Variants in CNNM3 observed in about 807,000 individuals in gnomAD.
The protein encoded by CNNM3 is metal transporter CNNM3.
A neutral mutation model predicts 57.1 loss-of-function variants in CNNM3; 47 were observed. The ratio of observed to expected loss-of-function variants is 0.82; its 90% confidence interval spans 0.65 to 1.05. The LOEUF is 1.05. Ranked by LOEUF, CNNM3 falls within the 50% of genes least tolerant of loss-of-function variation. The probability of loss-of-function intolerance (pLI) is 0.00; values close to 1 mark genes in which losing one functional copy is unlikely to be tolerated. For synonymous variants in CNNM3, 507 were observed against 478.2 expected (o/e 1.06, Z -0.79); for missense variants, 957 against 973.7 (o/e 0.98, Z 0.23).
chr2:96,836,221 T>TATC (rs1447740019), downstream of CNNM3, among the ~76,000 whole-genome samples: 2 of 150,712 alleles, frequency 1.3e-5, no homozygotes, highest in Non-Finnish European at 2.9e-5. Flanking sequence ...TAGATGGGAC[T>TATC]ATCACCACAC....
At chr2:96,828,871 TCTTCTCTGCC>T (rs2079555384) in intron 6 of CNNM3, 115 bp from the exon 7 acceptor site, 2 of 1,499,058 alleles carry the variant, frequency 1.3e-6, no homozygotes, top group Non-Finnish European at 1.8e-6. Context: ...ACTCAGTTGC[TCTTCTCTGCC>T]CTTAACTAGC....
In CNNM3 at chr2:96,833,146, T is replaced by G. The variant is rs548037168; in HGVS notation, c.*530T>G. The G allele has an allele frequency of 3.3e-6, 2 of 614,200 alleles. No homozygotes were observed. The highest frequency in any genetic ancestry group is 1.9e-5 in the African/African-American group (1 of 52,518). 38.0% of individuals were successfully genotyped at this position (614,200 alleles called of 1,614,324 possible). ...TTGTCCTTTCTGGCTTCCCTGATGG[T>G]GTCATGTTTCAGCGCATGCGCCCCA... On this transcript the variant is annotated 3_prime_UTR_variant, in exon 8 of 8. Coordinates refer to ENST00000305510, the MANE Select transcript of CNNM3 (RefSeq NM_017623.5).
At chr2:96,831,042 C>G (rs2079594418) in intron 7 of CNNM3, among the ~76,000 whole-genome samples, 1 of 152,170 alleles carries the variant, frequency 6.6e-6, no homozygotes, top group Non-Finnish European at 1.5e-5. Flanking sequence ...GACCTAATCC[C>G]AAAATAATGC....
intron 7 of CNNM3, 163 bp downstream of exon 7, chr2:96,829,297 T>A (rs2079563207): frequency 6.7e-6 from 2 of 298,080 alleles, no homozygotes; most frequent in Non-Finnish European, 8.9e-6. Flanking sequence ...ATATAAATAA[T>A]TTTTTTTTTT....
intron 1 of CNNM3, chr2:96,824,504 G>C (rs1053706371): frequency 6.5e-6 from 1 of 154,540 alleles, no homozygotes; most frequent in African/African-American, 2.4e-5. Flanking sequence ...CTATCATAAA[G>C]AAGGACAAGA....
At chr2:96,832,493 G>A in intron 7 of CNNM3, 59 bp from the exon 8 acceptor site, 1 of 1,610,764 alleles carries the variant, frequency 6.2e-7, no homozygotes, top group Non-Finnish European at 8.5e-7. Context: ...TTGGCACTTG[G>A]TTTTGACAGG....
rs1189023867 is a variant in CNNM3, at chr2:96,833,880, G to A, written c.*1264G>A. On this transcript the variant is annotated 3_prime_UTR_variant, in exon 8 of 8. Coordinates refer to ENST00000305510, the MANE Select transcript of CNNM3 (RefSeq NM_017623.5). ...AAACTCTGAGAGCAAGCCCGGGTTG[G>A]AAACAGATGCTTTAAAATCCTCTCT... The A allele has an allele frequency of 6.6e-6, 1 of 152,240 alleles. No individual in the cohort carries two copies. Among genetic ancestry groups the A allele is most frequent in the Non-Finnish European group, 1.5e-5 (1 of 68,060 alleles). 9.4% of individuals were successfully genotyped at this position (152,240 alleles called of 1,614,324 possible). A position where few individuals can be genotyped will look rare whatever the true frequency, so the allele number is the denominator to read the frequency against.
Position 96,828,087 on chromosome 2 carries a change from C to T in CNNM3, c.1690-12C>T. The T allele has an allele frequency of 6.2e-7, 1 of 1,612,334 alleles. No individual in the cohort carries two copies. Among genetic ancestry groups the T allele is most frequent in the Middle Eastern group, 1.7e-4 (1 of 6,052 alleles). On this transcript the variant is annotated splice_polypyrimidine_tract_variant and intron_variant, in intron 4 of 7. Coordinates refer to ENST00000305510, the MANE Select transcript of CNNM3 (RefSeq NM_017623.5). ...TGGCCGCATCTGTTTCTCTCCTTGC[C>T]ACTCCTCCCAGGGCAGGGTTGAAGT...
Position 96,832,540 on chromosome 2 carries a change from T to G in CNNM3, c.2060-12T>G. On this transcript the variant is annotated splice_polypyrimidine_tract_variant and intron_variant, in intron 7 of 7. Transcript: ENST00000305510. ...GCTTTGATGTTAATTCTCCTTCCCT[T>G]GTCTCCTGTAGGGTCCAGCCACAGC... is the stretch of plus-strand genomic sequence containing the variant. 6.2e-7 allele frequency: 1 copy of G among 1,614,130 alleles called. No individual in the cohort carries two copies. Among genetic ancestry groups the G allele is most frequent in the Middle Eastern group, 1.6e-4 (1 of 6,062 alleles).
chr2:96,826,311 CAA>C (rs2079503769), intron 2 of CNNM3, among the ~76,000 whole-genome samples: 1 of 152,090 alleles, frequency 6.6e-6, no homozygotes, highest in Non-Finnish European at 1.5e-5. Flanking sequence ...TTCCCAGACT[CAA>C]GTGTTCCTCC....
intron 6 of CNNM3, 136 bp from the exon 7 acceptor site, chr2:96,828,860 G>A (rs914180155): frequency 6.8e-7 from 1 of 1,481,138 alleles, no homozygotes; most frequent in African/African-American, 1.4e-5. Context: ...AAAAACACTT[G>A]ACTCAGTTGC....
In CNNM3 at chr2:96,816,425, C is replaced by G. The variant is rs2079317505; in HGVS notation, c.148C>G (p.Arg50Gly). The G allele has an allele frequency of 2.2e-6, 3 of 1,384,214 alleles. No individual in the cohort carries two copies. The South Asian group carries it at 5.0e-5, about 23-fold the overall frequency. 85.7% of individuals were successfully genotyped at this position (1,384,214 alleles called of 1,614,324 possible). A position where few individuals can be genotyped will look rare whatever the true frequency, so the allele number is the denominator to read the frequency against. ...TGGAGCGGCGGGCGCGGGTTGGGTA[C>G]GCGGAGGGGCGGCGCGGGACACGCC... is the stretch of plus-strand genomic sequence containing the variant. ...EDGAAGAGWV[R>G]GGAARDTPDA... Residue 50 changes from arginine to glycine, a missense_variant, in exon 1 of 8, where the codon CGC becomes GGC. Around this residue, in one of 2 missense-constraint regions of CNNM3, gnomAD observed 466 missense variants for 403.1 expected, o/e 1.16. Coordinates refer to ENST00000305510, the MANE Select transcript of CNNM3 (RefSeq NM_017623.5).
rs2079636590 is a variant in CNNM3, at chr2:96,833,260, C to G, written c.*644C>G. ...CTCCCTGGAGGCTGCTCTTCTGATT[C>G]TGAGAGCTGGCCTAGTGGTGCTGAG... is the stretch of plus-strand genomic sequence containing the variant. On this transcript the variant is annotated 3_prime_UTR_variant, in exon 8 of 8. Coordinates refer to ENST00000305510, the MANE Select transcript of CNNM3 (RefSeq NM_017623.5). 1 of 343,284 alleles carries G rather than the reference C, an allele frequency of 2.9e-6. No homozygotes were observed. The highest frequency in any genetic ancestry group is 2.2e-5 in the South Asian group (1 of 44,950). 21.3% of individuals were successfully genotyped at this position (343,284 alleles called of 1,614,324 possible). A position where few individuals can be genotyped will look rare whatever the true frequency, so the allele number is the denominator to read the frequency against.
chr2:96,823,844 A>G (rs1020883928), intron 1 of CNNM3, among the ~76,000 whole-genome samples: 5 of 152,170 alleles, frequency 3.3e-5, no homozygotes, highest in African/African-American at 9.7e-5. Flanking sequence ...TGTGCCGCCC[A>G]GGCCGGCAGC....
At chr2:96,827,979 G>A (rs748020518) in intron 4 of CNNM3, 79 bp downstream of exon 4, 1 of 1,573,882 alleles carries the variant, frequency 6.4e-7, no homozygotes, top group Non-Finnish European at 8.7e-7. Context: ...GGGAGCAGGG[G>A]CATGCGGATA....
intron 7 of CNNM3, chr2:96,829,337 G>A (rs374283123): frequency 7.0e-6 from 4 of 574,876 alleles, no homozygotes; most frequent in African/African-American, 6.6e-5. Context: ...CTGTTGCTCT[G>A]TTGCCCAGGC....
downstream of CNNM3, chr2:96,836,701 G>T (rs2079695395): frequency 6.6e-6 from 1 of 152,000 alleles, no homozygotes; most frequent in Non-Finnish European, 1.5e-5. Flanking sequence ...CTCTTAACAG[G>T]GTTTTATACA....
downstream of CNNM3, among the ~76,000 whole-genome samples, chr2:96,836,281 T>G (rs1447582247): frequency 6.6e-6 from 1 of 150,788 alleles, no homozygotes; most frequent in Non-Finnish European, 1.5e-5. Context: ...TCACTCTTGT[T>G]GCCCAGGCTG....
intron 3 of CNNM3, 128 bp from the exon 4 acceptor site, chr2:96,827,603 A>T: frequency 1.2e-6 from 1 of 846,724 alleles, no homozygotes; most frequent in Non-Finnish European, 1.8e-6. Context: ...TGTTAGGGGC[A>T]GCTGCTCACA....
Sources: allele counts gnomAD v4.1 joint callset (sites outside exome capture counted in the v4.1 genomes callset), GRCh38; gene constraint gnomAD v4.1.1; regional missense constraint gnomAD v4.1.1; transcripts MANE v1.5; gene names NCBI Gene and HGNC (gene_info 2026-07-23, HGNC 2026-07-21).